Variants in TRPV3 observed in about 807,000 individuals in gnomAD.
The protein encoded by TRPV3 is transient receptor potential cation channel subfamily V member 3.
TRPV3 carries 88 observed loss-of-function variants against 87.1 expected under a neutral mutation model. That is an observed-to-expected ratio of 1.01 (90% confidence interval 0.85 to 1.21). The LOEUF is 1.21. Ranked by LOEUF, TRPV3 falls within the 50% of genes most tolerant of loss-of-function variation. The pLI, the probability that TRPV3 is intolerant of heterozygous loss-of-function variation, is 0.00. For missense variants in TRPV3, 1,054 were observed against 1,030.1 expected (o/e 1.02, Z -0.32); for synonymous variants, 438 against 423.3 (o/e 1.03, Z -0.43).
In TRPV3 at chr17:3,530,358, G is replaced by C; in HGVS notation, c.1066-155C>G. The C allele has an allele frequency of 3.1e-6, 2 of 653,160 alleles. No homozygotes were observed. The highest frequency in any genetic ancestry group is 4.8e-5 in the South Asian group (2 of 41,930). The allele number at this position is 653,160 out of a possible 1,614,324, so 40.5% of individuals were successfully genotyped here. On this transcript the variant is annotated intron_variant, in intron 8 of 17. Transcript: ENST00000576742. The surrounding 1 kb of genome is among the most constrained non-coding windows in gnomAD (Gnocchi z 4.0). ...CCTGGCGCCATGGCCCCTGGGCCCC[G>C]TCTTTATCTGTGGAATGCGCACAAA...
intron 6 of TRPV3, among the ~76,000 whole-genome samples, chr17:3,539,300 A>C (rs966413046): frequency 6.6e-6 from 1 of 151,980 alleles, no homozygotes; most frequent in Non-Finnish European, 1.5e-5. Flanking sequence ...AAGGACTTAA[A>C]AAAAAAAAAA....
At chr17:3,534,501 C>A (rs557014193) in intron 7 of TRPV3, among the ~76,000 whole-genome samples, 1 of 152,308 alleles carries the variant, frequency 6.6e-6, no homozygotes, top group Non-Finnish European at 1.5e-5. Flanking sequence ...CAAAGTTACA[C>A]AGAGAAATTT....
Position 3,526,030 on chromosome 17 carries a change from AAACACTGTCTTAT to A in TRPV3, c.1577+811_1577+823del, listed in dbSNP as rs2074296944. Among the ~76,000 whole-genome samples the A allele has an allele frequency of 2.6e-5, 4 of 152,358 alleles. No individual in the cohort carries two copies. In the South Asian group the frequency reaches 8.3e-4, roughly 32 times the overall value. On this transcript the variant is annotated intron_variant, in intron 12 of 17. Coordinates refer to ENST00000576742, the MANE Select transcript of TRPV3 (RefSeq NM_145068.4). ...ATCCATTATGCAGACATCTGGATAA[AAACACTGTCTTAT>A]AACATCAGACAGTTTCCAAAATTAT...
intron 7 of TRPV3, among the ~76,000 whole-genome samples, chr17:3,534,052 G>A (rs905047742): frequency 7.2e-5 from 11 of 152,152 alleles, no homozygotes; most frequent in African/African-American, 2.4e-4. Flanking sequence ...CCTGGGACAC[G>A]ACCAGCTCCG....
At chr17:3,540,852 G>T (rs2074452403) in intron 6 of TRPV3, among the ~76,000 whole-genome samples, 1 of 152,146 alleles carries the variant, frequency 6.6e-6, no homozygotes. Flanking sequence ...TCTTTGCATT[G>T]GCTACCAGGG....
intron 2 of TRPV3, chr17:3,546,890 A>C (rs389460): frequency 0.29 from 75,438 of 260,676 alleles, 11,542 homozygotes; most frequent in Middle Eastern, 0.36. Flanking sequence ...ATTGCTTGAA[A>C]CCGGGAGGCA....
At chr17:3,519,890 T>TGGATGAG (rs1567630908) in intron 14 of TRPV3, among the ~76,000 whole-genome samples, 1 of 33,454 alleles carries the variant, frequency 3.0e-5, no homozygotes, top group Admixed American at 3.3e-4. Context: ...GGATGGATGA[T>TGGATGAG]TGGATGGATG....
In TRPV3 at chr17:3,512,035, TC is replaced by T. The variant is rs1467288647; in HGVS notation, c.*1881del. The T allele has an allele frequency of 6.6e-6, 1 of 152,220 alleles. No individual in the cohort carries two copies. The highest frequency in any genetic ancestry group is 6.5e-5 in the Admixed American group (1 of 15,286). The allele number at this position is 152,220 out of a possible 1,614,324, so 9.4% of individuals were successfully genotyped here. ...TCCAGGCTAAAAGGGACCTTAAACT[TC>T]TTCCAATGACCATTTTCAACAACAT... On this transcript the variant is annotated 3_prime_UTR_variant, in exon 18 of 18. Coordinates refer to ENST00000576742, the MANE Select transcript of TRPV3 (RefSeq NM_145068.4).
chr17:3,545,331 T>C, intron 2 of TRPV3, 60 bp from the exon 3 acceptor site: 2 of 1,306,454 alleles, frequency 1.5e-6, no homozygotes, highest in Non-Finnish European at 2.2e-6. Context: ...TCTGCCTGTG[T>C]CCTGCCTCCT....
At chr17:3,536,073 G>C (rs2074406494) in intron 6 of TRPV3, among the ~76,000 whole-genome samples, 1 of 152,212 alleles carries the variant, frequency 6.6e-6, no homozygotes, top group African/African-American at 2.4e-5. Context: ...TTCACAGCCA[G>C]AGAGCGTCAG....
chr17:3,544,989 G>C lies in TRPV3; in HGVS notation c.224+178C>G, dbSNP rs1217690078. 7.2e-5 allele frequency among the ~76,000 whole-genome samples: 11 copies of C among 152,198 alleles called. No individual in the cohort carries two copies. The South Asian group carries it at 1.5e-3, about 20-fold the overall frequency. On this transcript the variant is annotated intron_variant, in intron 3 of 17. Transcript: ENST00000576742. ...AGATTGGGCCACTGCACTCCAGCCT[G>C]GGCAACAGAGCGACATTCCATCTCA...
chr17:3,530,313 G>C lies in TRPV3; in HGVS notation c.1066-110C>G, dbSNP rs2074338251. The C allele has an allele frequency of 9.2e-7, 1 of 1,091,854 alleles. No individual in the cohort carries two copies. Among genetic ancestry groups the C allele is most frequent in the Non-Finnish European group, 1.3e-6 (1 of 775,382 alleles). 67.6% of individuals were successfully genotyped at this position (1,091,854 alleles called of 1,614,324 possible). On this transcript the variant is annotated intron_variant, in intron 8 of 17. Transcript: ENST00000576742. This position sits in a 1 kb window ranked among gnomAD's most constrained non-coding sequence, Gnocchi z 4.0. ...CCAGGGGATACACCCGCCCAGAATGGGTGGAGACCTGCCTCTGCGCCTGGC... is the reference window on the plus strand; with the variant it reads ...CCAGGGGATACACCCGCCCAGAATGCGTGGAGACCTGCCTCTGCGCCTGGC...
At chr17:3,526,589 A>C (rs2074302076) in intron 12 of TRPV3, among the ~76,000 whole-genome samples, 1 of 151,942 alleles carries the variant, frequency 6.6e-6, no homozygotes, top group Admixed American at 6.6e-5. Flanking sequence ...GTTGGCCATC[A>C]CCACCATCTC....
In TRPV3 at chr17:3,516,505, A is replaced by G. The variant is rs1166364636; in HGVS notation, c.2150T>C (p.Met717Thr). The change falls in exon 16 of 18, where the codon ATG (methionine) becomes ACG (threonine). Residue 717 changes from methionine to threonine, a missense_variant. Physicochemically the swap from Met to Thr is moderately conservative, Grantham distance 81. Transcript: ENST00000576742. ...LPEWLRSRFR[M>T]GELCKVAEDD... is the part of the protein sequence containing the mutation. ...CTCGGCCACTTTGCACAGCTCTCCC[A>G]TCCGGAATCTGCTCCTCAGCCATTC... 4 of 1,613,902 alleles carry G rather than the reference A, an allele frequency of 2.5e-6. No individual in the cohort carries two copies. Among genetic ancestry groups the G allele is most frequent in the Admixed American group, 3.3e-5 (2 of 59,982 alleles).
chr17:3,541,373 A>T (rs2074458734), intron 6 of TRPV3, among the ~76,000 whole-genome samples: 2 of 152,198 alleles, frequency 1.3e-5, no homozygotes, highest in Non-Finnish European at 2.9e-5. Flanking sequence ...ATGTCAAAAA[A>T]CAAAAACAAA....
intron 11 of TRPV3, chr17:3,527,632 T>G: frequency 3.9e-6 from 1 of 255,768 alleles, no homozygotes; most frequent in Non-Finnish European, 7.6e-6. Flanking sequence ...GATGGACAGA[T>G]GGAGAGATGG....
intron 1 of TRPV3, 122 bp from the exon 2 acceptor site, chr17:3,554,974 T>A: frequency 1.6e-6 from 1 of 610,878 alleles, no homozygotes; most frequent in East Asian, 2.8e-5. Flanking sequence ...GGAAGCTCAC[T>A]CCTCCCTTCC....
rs757344734 is a variant in TRPV3, at chr17:3,518,647, T to C, written c.2014A>G (p.Met672Val). ...GTCTCGCCCATCAGAGCAATGAGCA[T>C]GTTGAGGAGGAGAACAAAGGTGAGG... is the stretch of plus-strand genomic sequence containing the variant. Reference protein sequence around the residue: ...VILTFVLLLNMLIALMGETVE... With the variant: ...VILTFVLLLNVLIALMGETVE... Residue 672 changes from methionine (M) to valine (V), a missense_variant, in exon 15 of 18, where the codon ATG becomes GTG. Transcript: ENST00000576742. This position sits in a 1 kb window ranked among gnomAD's most constrained non-coding sequence, Gnocchi z 4.3. 5.6e-6 allele frequency: 9 copies of C among 1,596,504 alleles called. No homozygotes were observed. In the South Asian group the frequency reaches 7.9e-5, roughly 14 times the overall value.
At chr17:3,545,708 G>A (rs563547055) in intron 2 of TRPV3, among the ~76,000 whole-genome samples, 11 of 151,892 alleles carry the variant, frequency 7.2e-5, no homozygotes, top group South Asian at 2.1e-4. Context: ...GGAGCAGGCC[G>A]GGTGCAGGGG....
Sources: allele counts gnomAD v4.1 joint callset (sites outside exome capture counted in the v4.1 genomes callset), GRCh38; gene constraint gnomAD v4.1.1; non-coding constraint Gnocchi (gnomAD v3.1); transcripts MANE v1.5; gene names NCBI Gene and HGNC (gene_info 2026-07-23, HGNC 2026-07-21).